The following SHPK variants were observed in gnomAD, a reference collection of about 807,000 sequenced individuals.
SHPK encodes the protein carbohydrate kinase-like protein.
In SHPK, 51 loss-of-function variants were observed where a neutral mutation model predicts 46.3. The observed-to-expected ratio is 1.10, with a 90% CI of 0.88 to 1.39. The LOEUF (loss-of-function observed/expected upper bound fraction) is 1.39. Among genes scored for constraint, SHPK ranks in the 40% most tolerant of loss-of-function variants. SHPK has a pLI of 0.00. For missense variants in SHPK, 668 were observed against 641.3 expected, an observed-to-expected ratio of 1.04 and a Z score of -0.45; for synonymous variants, 290 against 273.9, an observed-to-expected ratio of 1.06 and a Z score of -0.58.
intron 3 of SHPK, 114 bp from the exon 4 acceptor site, chr17:3,623,605 A>G (rs1017895313): frequency 2.6e-5 from 27 of 1,020,294 alleles, no homozygotes; most frequent in Non-Finnish European, 4.1e-5. Context: ...GGCAGCCACA[A>G]CCGCATATAC....
intron 2 of SHPK, among the ~76,000 whole-genome samples, chr17:3,625,635 C>A (rs944622688): frequency 6.6e-6 from 1 of 152,168 alleles, no homozygotes; most frequent in Non-Finnish European, 1.5e-5. Context: ...CACCACCATG[C>A]AGAAGCAGCA....
chr17:3,635,421 C>G lies in SHPK; in HGVS notation c.168+631G>C, dbSNP rs903596217. On this transcript the variant is annotated intron_variant, in intron 1 of 6. Transcript: ENST00000225519. ...CCGCTAATTTTTTGTATTTTTAGTA[C>G]AGACGGGGTTTCACCGTGTTAGCCA... 1.2e-4 allele frequency among the ~76,000 whole-genome samples: 18 copies of G among 152,114 alleles called. 1 individual carries two copies. The highest frequency in any genetic ancestry group is 6.2e-4 in the South Asian group (3 of 4,828).
chr17:3,619,753 G>C (rs1351898916), intron 5 of SHPK: 1 of 391,368 alleles, frequency 2.6e-6, no homozygotes, highest in Non-Finnish European at 4.9e-6. Context: ...AAAAAATTTG[G>C]AAGAAGAATG....
intron 5 of SHPK, among the ~76,000 whole-genome samples, chr17:3,616,888 C>G (rs1318586038): frequency 6.6e-6 from 1 of 152,186 alleles, no homozygotes; most frequent in Non-Finnish European, 1.5e-5. Context: ...CAGGCATGCG[C>G]CACCACGCCC....
At chr17:3,635,746 C>A (rs182561560) in intron 1 of SHPK, among the ~76,000 whole-genome samples, 3 of 152,086 alleles carry the variant, frequency 2.0e-5, no homozygotes, top group African/African-American at 7.2e-5. Flanking sequence ...CACAAGAGAT[C>A]AGTTCCTCCA....
intron 2 of SHPK, among the ~76,000 whole-genome samples, chr17:3,626,012 C>A (rs982240366): frequency 6.6e-6 from 1 of 152,090 alleles, no homozygotes; most frequent in Non-Finnish European, 1.5e-5. Flanking sequence ...GAGATCGCAC[C>A]ACTGCACTCC....
intron 6 of SHPK, among the ~76,000 whole-genome samples, chr17:3,613,786 C>T (rs1022801531): frequency 3.3e-5 from 5 of 152,006 alleles, no homozygotes; most frequent in African/African-American, 1.2e-4. Context: ...TTGAACAACT[C>T]TGAGCTCAAG....
At position 3,630,246 on chromosome 17, in the gene SHPK, G is replaced by A. The variant is rs770301326; in HGVS notation, c.269C>T (p.Ser90Leu). 41 of 1,613,538 alleles carry A rather than the reference G, an allele frequency of 2.5e-5. 1 individual carries two copies. Among genetic ancestry groups the A allele is most frequent in the South Asian group, 1.5e-4 (14 of 91,072 alleles). The change falls in exon 2 of 7, where the codon TCG becomes TTG. Residue 90 changes from serine to leucine, a missense_variant. Coordinates refer to ENST00000225519, the MANE Select transcript of SHPK (RefSeq NM_013276.4). ...QLRSVVGIGV[S>L]GQMHGVVFWK... Reference sequence around the variant, plus strand: ...AAACACGACTCCATGCATCTGGCCCGACACCCCGATGCCCACGACGCTCCG... The same window carrying A: ...AAACACGACTCCATGCATCTGGCCCAACACCCCGATGCCCACGACGCTCCG...
chr17:3,632,099 G>C (rs2075476226), intron 1 of SHPK, among the ~76,000 whole-genome samples: 2 of 151,684 alleles, frequency 1.3e-5, no homozygotes, highest in South Asian at 4.2e-4. Context: ...TGGGACTATA[G>C]GTGCGCGCCA....
chr17:3,630,409 C>CTCCAGGACA, intron 1 of SHPK, 63 bp from the exon 2 acceptor site: 1 of 1,499,038 alleles, frequency 6.7e-7, no homozygotes, highest in Non-Finnish European at 9.0e-7. Flanking sequence ...GGGCGCAGGC[C>CTCCAGGACA]TCCCGGGATG....
chr17:3,625,500 G>A (rs751752322), intron 2 of SHPK, among the ~76,000 whole-genome samples: 10 of 152,140 alleles, frequency 6.6e-5, no homozygotes, highest in Non-Finnish European at 1.0e-4. Flanking sequence ...AAGAGCAGCC[G>A]GCAGACCGTT....
chr17:3,634,265 T>TAA (rs34948942), intron 1 of SHPK, among the ~76,000 whole-genome samples: 11 of 136,342 alleles, frequency 8.1e-5, no homozygotes, highest in Non-Finnish European at 6.4e-5. Context: ...AGTGATCAAT[T>TAA]AAAAAAAAAA....
intron 5 of SHPK, 68 bp downstream of exon 5, chr17:3,621,169 G>C: frequency 7.5e-7 from 1 of 1,338,944 alleles, no homozygotes; most frequent in Admixed American, 2.4e-5. Context: ...CTGCAGACTC[G>C]CACAGAGCTG....
intron 4 of SHPK, among the ~76,000 whole-genome samples, chr17:3,622,084 G>A (rs906967047): frequency 6.6e-6 from 1 of 152,142 alleles, no homozygotes; most frequent in Non-Finnish European, 1.5e-5. Context: ...CCAAGCAGCT[G>A]GGATTACAGG....
chr17:3,628,600 C>T (rs956278532), intron 2 of SHPK, among the ~76,000 whole-genome samples: 2 of 151,972 alleles, frequency 1.3e-5, no homozygotes, highest in African/African-American at 2.4e-5. Flanking sequence ...GGATTACAGG[C>T]GTGAGCCATT....
At chr17:3,635,193 T>TGAAGGAAGGAAGAAAG (rs746755300) in intron 1 of SHPK, among the ~76,000 whole-genome samples, 10,537 of 60,324 alleles carry the variant, frequency 0.17, 1,703 homozygotes, top group East Asian at 0.25. Flanking sequence ...AAGGAAAGAA[T>TGAAGGAAGGAAGAAAG]GAAGGAAGGA....
rs552286573 is a variant in SHPK at position 3,629,149 on chromosome 17, T to A, written c.310+1056A>T. On this transcript the variant is annotated intron_variant, in intron 2 of 6. Coordinates refer to ENST00000225519, the MANE Select transcript of SHPK (RefSeq NM_013276.4). Reference sequence around the variant, plus strand: ...CTTGGATTCAAAAGTGGGGTTCACCTGCTGAAATATGACCCTGAGCATATT... The same window carrying A: ...CTTGGATTCAAAAGTGGGGTTCACCAGCTGAAATATGACCCTGAGCATATT... Among the ~76,000 whole-genome samples the A allele has an allele frequency of 4.5e-4, 68 of 152,274 alleles. No homozygotes were observed. In the South Asian group the frequency reaches 0.013, roughly 30 times the overall value.
chr17:3,615,752 T>A (rs2075368308), intron 5 of SHPK, among the ~76,000 whole-genome samples: 1 of 151,336 alleles, frequency 6.6e-6, no homozygotes, highest in East Asian at 1.9e-4. Context: ...AACTCAGAGG[T>A]CACAAGTCAC....
rs527319475 is a variant in SHPK at position 3,612,744 on chromosome 17, C to A, written c.1025-1772G>T. On this transcript the variant is annotated intron_variant, in intron 6 of 6. Transcript: ENST00000225519. The stretch of plus-strand genomic sequence containing the variant: ...CCAACCTGAACATACAGATGAGTCA[C>A]TCAGGGATCTTTTTTTTTTTTTTTT... 2.8e-3 allele frequency among the ~76,000 whole-genome samples: 362 copies of A among 128,700 alleles called. 2 individuals are homozygous for A. Among genetic ancestry groups the A allele is most frequent in the Non-Finnish European group, 4.6e-3 (293 of 63,748 alleles). 84.4% of individuals were successfully genotyped at this position (128,700 alleles called of 152,430 possible).
Sources: gnomAD v4.1 joint callset for allele counts (sites outside exome capture counted in the v4.1 genomes callset) on GRCh38, gnomAD v4.1.1 for gene constraint, MANE v1.5 for transcripts, NCBI Gene and HGNC (gene_info 2026-07-23, HGNC 2026-07-21) for gene names.